FAHD2B: variants seen among roughly 807,000 people sequenced by gnomAD.
FAHD2B encodes the protein oxaloacetate tautomerase FAHD2B, mitochondrial.
FAHD2B carries 26 observed loss-of-function variants against 33.7 expected under a neutral mutation model. The ratio of observed to expected loss-of-function variants is 0.77; its 90% CI spans 0.57 to 1.07. The LOEUF (loss-of-function observed/expected upper bound fraction) is 1.07, where lower values mean the gene tolerates loss of function less well. Among genes scored for constraint, FAHD2B ranks in the 50% least tolerant of loss-of-function variants. The probability of loss-of-function intolerance (pLI) is 0.00; values close to 1 mark genes in which losing one functional copy is unlikely to be tolerated. For synonymous variants in FAHD2B, 108 were observed against 150.9 expected (o/e 0.72, Z 2.08); for missense variants, 272 against 388.1 (o/e 0.70, Z 2.51).
intron 1 of FAHD2B, among the ~76,000 whole-genome samples, chr2:97,093,043 CA>C (rs1237543922): frequency 6.7e-6 from 1 of 149,408 alleles, no homozygotes; most frequent in African/African-American, 2.5e-5. Flanking sequence ...CACTTAAAGA[CA>C]AACACTATTC....
At chr2:97,094,399 A>G (rs1338598797) in intron 1 of FAHD2B, among the ~76,000 whole-genome samples, 1 of 132,900 alleles carries the variant, frequency 7.5e-6, no homozygotes, top group East Asian at 2.2e-4. Context: ...CCACTATGTC[A>G]CACAGTCCGA....
chr2:97,084,967 C>T (rs1011246504), intron 6 of FAHD2B, among the ~76,000 whole-genome samples: 1 of 151,192 alleles, frequency 6.6e-6, no homozygotes, highest in African/African-American at 2.4e-5. Flanking sequence ...TGGTTCTAGC[C>T]GGGACAGAGA....
downstream of FAHD2B, chr2:97,082,596 C>A: frequency 7.0e-6 from 11 of 1,574,702 alleles, no homozygotes; most frequent in Non-Finnish European, 9.6e-6. Context: ...TCTGTCCAGT[C>A]TGAGTTCTAT....
downstream of FAHD2B, among the ~76,000 whole-genome samples, chr2:97,079,432 C>T (rs2031575098): frequency 6.6e-6 from 1 of 152,004 alleles, no homozygotes; most frequent in Admixed American, 6.6e-5. Context: ...TTGCCAGCAC[C>T]TGTTATTTTT....
downstream of FAHD2B, chr2:97,082,411 C>T (rs547947588): frequency 2.5e-6 from 4 of 1,613,774 alleles, no homozygotes; most frequent in African/African-American, 4.0e-5. Flanking sequence ...TCGGGCTACA[C>T]AGACCAGCTG....
At position 97,083,597 on chromosome 2, in the gene FAHD2B, G is replaced by A. The variant is rs1435715027; in HGVS notation, c.*158C>T. The A allele has an allele frequency of 5.4e-5, 67 of 1,245,914 alleles. No homozygotes were observed. Among genetic ancestry groups the A allele is most frequent in the East Asian group, 7.6e-5 (3 of 39,616 alleles). The allele number at this position is 1,245,914 out of a possible 1,614,324, so 77.2% of individuals were successfully genotyped here. A position where few individuals can be genotyped will look rare whatever the true frequency, so the allele number is the denominator to read the frequency against. ...ACAAGCCAAGCTGCTGCTTTGACCC[G>A]ACGCATTTATTGAAGAGAGCTCTGT... On this transcript the variant is annotated 3_prime_UTR_variant, in exon 9 of 9. Transcript: ENST00000414820.
intron 6 of FAHD2B, among the ~76,000 whole-genome samples, chr2:97,084,553 T>C (rs563893801): frequency 6.6e-6 from 1 of 151,718 alleles, no homozygotes; most frequent in South Asian, 2.1e-4. Flanking sequence ...TGGCTAGGGT[T>C]TTTGCCTCAA....
intron 4 of FAHD2B, among the ~76,000 whole-genome samples, chr2:97,087,866 G>A (rs2032091765): frequency 6.6e-6 from 1 of 152,120 alleles, no homozygotes; most frequent in African/African-American, 2.4e-5. Context: ...TCTTCACAAT[G>A]GAGGGACCTA....
chr2:97,090,596 T>C (rs1016568480), intron 3 of FAHD2B, among the ~76,000 whole-genome samples: 1 of 152,116 alleles, frequency 6.6e-6, no homozygotes, highest in African/African-American at 2.4e-5. Flanking sequence ...AAGGTCTCCC[T>C]TTCCCCTTCT....
chr2:97,087,472 T>C (rs992386136), intron 4 of FAHD2B, among the ~76,000 whole-genome samples: 19 of 151,872 alleles, frequency 1.3e-4, no homozygotes, highest in African/African-American at 4.4e-4. Context: ...CTGAGGCAGG[T>C]GGATCACCTG....
intron 5 of FAHD2B, 43 bp from the exon 6 acceptor site, chr2:97,085,904 G>C (rs114858791): frequency 1.2e-6 from 2 of 1,611,464 alleles, no homozygotes; most frequent in East Asian, 2.2e-5. Context: ...GTTAGATCAC[G>C]GGTGACACCA....
chr2:97,083,192 C>T (rs1327146592), downstream of FAHD2B: 17 of 1,606,918 alleles, frequency 1.1e-5, no homozygotes, highest in African/African-American at 9.4e-5. Flanking sequence ...CACCTATCCC[C>T]TACTTTTGCC....
chr2:97,079,664 TTC>T (rs2031581284), downstream of FAHD2B, among the ~76,000 whole-genome samples: 2 of 151,718 alleles, frequency 1.3e-5, no homozygotes, highest in Non-Finnish European at 2.9e-5. Flanking sequence ...ATTTTTTCTT[TTC>T]TTTTCTTTTT....
intron 4 of FAHD2B, 73 bp from the exon 5 acceptor site, chr2:97,086,271 C>T (rs1559136464): frequency 1.3e-6 from 2 of 1,572,722 alleles, no homozygotes; most frequent in Non-Finnish European, 1.7e-6. Context: ...GGCTGTACGC[C>T]ATGGATCTCT....
chr2:97,081,625 G>A, downstream of FAHD2B: 2 of 1,469,318 alleles, frequency 1.4e-6, no homozygotes, highest in Admixed American at 5.1e-5. Flanking sequence ...TGTGTGCTGT[G>A]GGGGTGGGCA....
In FAHD2B at chr2:97,091,517, T is replaced by C; in HGVS notation, c.190A>G (p.Lys64Glu). The C allele has an allele frequency of 6.2e-7, 1 of 1,613,340 alleles. No individual in the cohort carries two copies. Among genetic ancestry groups the C allele is most frequent in the Non-Finnish European group, 8.5e-7 (1 of 1,179,870 alleles). ...TGCTCTAGGAACTGCGTCATCGTCT[T>C]TGGGAGTGTGGGGTCAAAGGCATTG... is the stretch of plus-strand genomic sequence containing the variant. ...NLNAFDPTLP[K>E]TMTQFLEQGE... Residue 64 changes from lysine (K) to glutamate (E), a missense_variant, in exon 3 of 9, where the codon AAG (lysine) becomes GAG (glutamate). Transcript: ENST00000414820.
chr2:97,083,399 C>A (rs1188118874), downstream of FAHD2B: 2 of 1,468,836 alleles, frequency 1.4e-6, no homozygotes, highest in African/African-American at 1.4e-5. Flanking sequence ...CCCTTGCCAT[C>A]TCTTGCTTTT....
chr2:97,084,271 TG>T lies in FAHD2B; in HGVS notation c.691del (p.His231ThrfsTer3), dbSNP rs1467372025. On this transcript the variant is annotated frameshift_variant, in exon 7 of 9. Transcript: ENST00000414820. LOFTEE classifies it high-confidence loss of function. ...CACTCGGCAGCAGATCTTTAAGTTG[TG>T]TGGATCTGAAATGCAAAGATGGAAC... Reference protein sequence around the residue: ...LVTKDSVADPHNLKICCRVNG... With the variant: ...LVTKDSVADPXNLKICCRVNG... 1 of 1,613,428 alleles carries T rather than the reference TG, an allele frequency of 6.2e-7. No homozygotes were observed. Among genetic ancestry groups the T allele is most frequent in the Non-Finnish European group, 8.5e-7 (1 of 1,179,842 alleles).
At chr2:97,081,289 C>T (rs960498487), downstream of FAHD2B, 446 of 1,481,676 alleles carry the variant, frequency 3.0e-4, no homozygotes, top group Non-Finnish European at 3.8e-4. Flanking sequence ...CTAGGCCTTC[C>T]CCTCTTGGTG....
Sources: gnomAD v4.1 joint callset for allele counts (sites outside exome capture counted in the v4.1 genomes callset) on GRCh38, gnomAD v4.1.1 for gene constraint, MANE v1.5 for transcripts, NCBI Gene and HGNC (gene_info 2026-07-23, HGNC 2026-07-21) for gene names.